Variants in MIPOL1 observed in about 807,000 individuals in gnomAD.
The protein encoded by MIPOL1 is mirror-image polydactyly 1.
MIPOL1 carries 57 observed loss-of-function variants against 60.9 expected under a neutral mutation model. The observed-to-expected ratio is 0.94, with a 90% CI of 0.76 to 1.17. The LOEUF is 1.17. Among genes scored for constraint, MIPOL1 ranks in the 50% most tolerant of loss-of-function variants. The pLI is 0.00. For synonymous variants in MIPOL1, 179 were observed against 168.8 expected (o/e 1.06, Z -0.47); for missense variants, 551 against 511.6 (o/e 1.08, Z -0.74).
intron 9 of MIPOL1, among the ~76,000 whole-genome samples, chr14:37,318,868 A>G (rs2088242305): frequency 6.6e-6 from 1 of 151,962 alleles, no homozygotes; most frequent in African/African-American, 2.4e-5. Flanking sequence ...TCATTCTGTT[A>G]CCCAGGCTGG....
chr14:37,430,715 CTG>C lies in MIPOL1; in HGVS notation c.1031+7769_1031+7770del, dbSNP rs1181319196. ...TGATACATCTGAATGTTTTTGAAAA[CTG>C]TGAAGCACTGTGCAAAGGAGATATA... is the stretch of plus-strand genomic sequence containing the variant. On this transcript the variant is annotated intron_variant, in intron 11 of 12. Coordinates refer to ENST00000684589, the MANE Select transcript of MIPOL1 (RefSeq NM_001388067.1). 3.9e-5 allele frequency among the ~76,000 whole-genome samples: 6 copies of C among 152,164 alleles called. 1 individual carries two copies. The South Asian group carries it at 1.0e-3, about 26-fold the overall frequency.
intron 10 of MIPOL1, among the ~76,000 whole-genome samples, chr14:37,393,848 CT>C (rs1350649444): frequency 6.6e-6 from 1 of 150,570 alleles, no homozygotes; most frequent in Admixed American, 6.7e-5. Flanking sequence ...CCCTTGCCCC[CT>C]CCCACCCCTC....
intron 11 of MIPOL1, among the ~76,000 whole-genome samples, chr14:37,426,570 C>CACATATATATATATATATATAT (rs2093964019): frequency 1.2e-5 from 1 of 85,530 alleles, no homozygotes; most frequent in African/African-American, 4.6e-5. Flanking sequence ...TCAAAATATA[C>CACATATATATATATATATATAT]ATATATATAT....
chr14:37,364,766 A>G (rs140832107), intron 9 of MIPOL1, among the ~76,000 whole-genome samples: 6 of 152,138 alleles, frequency 3.9e-5, no homozygotes, highest in African/African-American at 1.2e-4. Flanking sequence ...GAAGAATGTC[A>G]TTGTTATTTT....
intron 11 of MIPOL1, among the ~76,000 whole-genome samples, chr14:37,454,064 G>A (rs1180794504): frequency 6.6e-6 from 1 of 152,176 alleles, no homozygotes; most frequent in Non-Finnish European, 1.5e-5. Flanking sequence ...ATGAGACTCT[G>A]CAAAGTGGAT....
intron 11 of MIPOL1, among the ~76,000 whole-genome samples, chr14:37,446,851 A>C (rs1253300863): frequency 6.6e-6 from 1 of 151,250 alleles, no homozygotes; most frequent in African/African-American, 2.4e-5. Context: ...GCATGTTCTC[A>C]CTCATAGGTG....
intron 1 of MIPOL1, among the ~76,000 whole-genome samples, chr14:37,219,132 G>A (rs973001745): frequency 3.3e-5 from 5 of 152,076 alleles, no homozygotes; most frequent in African/African-American, 4.8e-5. Flanking sequence ...GTTACTAACA[G>A]GAATCATCAG....
chr14:37,227,498 GTGTA>G, intron 1 of MIPOL1, among the ~76,000 whole-genome samples: 1 of 152,138 alleles, frequency 6.6e-6, no homozygotes, highest in Non-Finnish European at 1.5e-5. Flanking sequence ...GTTTGTGTGT[GTGTA>G]TGTGTGTGTG....
chr14:37,324,705 A>T (rs2088961667), intron 9 of MIPOL1, among the ~76,000 whole-genome samples: 1 of 152,018 alleles, frequency 6.6e-6, no homozygotes, highest in Admixed American at 6.6e-5. Flanking sequence ...TCTGTGATTT[A>T]TTTTGAGTTA....
At chr14:37,510,598 A>G (rs2095320619) in intron 12 of MIPOL1, among the ~76,000 whole-genome samples, 1 of 152,102 alleles carries the variant, frequency 6.6e-6, no homozygotes, top group South Asian at 2.1e-4. Context: ...ATTTCCTAAG[A>G]CATTGACTGT....
At chr14:37,294,719 T>C (rs2085454212) in intron 7 of MIPOL1, among the ~76,000 whole-genome samples, 1 of 151,758 alleles carries the variant, frequency 6.6e-6, no homozygotes, top group African/African-American at 2.4e-5. Context: ...TGATGGAAGA[T>C]GAAATGAGTG....
intron 11 of MIPOL1, among the ~76,000 whole-genome samples, chr14:37,451,653 T>G (rs1021706314): frequency 1.3e-5 from 2 of 152,026 alleles, no homozygotes; most frequent in Admixed American, 6.5e-5. Flanking sequence ...GAAAAAGCAT[T>G]GACATCCAAT....
At chr14:37,396,080 T>G (rs1412960939) in intron 10 of MIPOL1, among the ~76,000 whole-genome samples, 1 of 152,056 alleles carries the variant, frequency 6.6e-6, no homozygotes, top group Non-Finnish European at 1.5e-5. Flanking sequence ...GTTTTTTTTT[T>G]GTTTTTTGTT....
At chr14:37,276,466 T>C (rs1335990540) in intron 6 of MIPOL1, 1 of 151,042 alleles carries the variant, frequency 6.6e-6, no homozygotes, top group East Asian at 1.9e-4. Flanking sequence ...ATAGCAAGTA[T>C]ATCAAGACAC....
intron 3 of MIPOL1, among the ~76,000 whole-genome samples, chr14:37,257,701 A>G (rs1975193484): frequency 6.6e-6 from 1 of 152,164 alleles, no homozygotes; most frequent in Non-Finnish European, 1.5e-5. Context: ...ACACACATGC[A>G]TACTCATTCA....
At chr14:37,518,853 A>G (rs2153629575) in intron 12 of MIPOL1, among the ~76,000 whole-genome samples, 1 of 152,314 alleles carries the variant, frequency 6.6e-6, no homozygotes, top group Middle Eastern at 3.4e-3. Flanking sequence ...GGGGTTATAT[A>G]GAAAGGACAC....
intron 11 of MIPOL1, among the ~76,000 whole-genome samples, chr14:37,450,833 T>A (rs981540413): frequency 6.6e-6 from 1 of 152,128 alleles, no homozygotes; most frequent in African/African-American, 2.4e-5. Flanking sequence ...ATCAATGTAT[T>A]TGAAATATTT....
intron 11 of MIPOL1, among the ~76,000 whole-genome samples, chr14:37,491,319 A>G (rs545354225): frequency 8.3e-4 from 126 of 152,310 alleles, no homozygotes; most frequent in African/African-American, 2.9e-3. Flanking sequence ...ACTTGAGATC[A>G]GGAGATCAAG....
At chr14:37,443,608 C>T (rs2094285711) in intron 11 of MIPOL1, among the ~76,000 whole-genome samples, 1 of 151,158 alleles carries the variant, frequency 6.6e-6, no homozygotes, top group Non-Finnish European at 1.5e-5. Flanking sequence ...ACAGTCTTAA[C>T]ACAAACATTT....
Sources: allele counts gnomAD v4.1 joint callset (sites outside exome capture counted in the v4.1 genomes callset), GRCh38; gene constraint gnomAD v4.1.1; transcripts MANE v1.5; gene names NCBI Gene and HGNC (gene_info 2026-07-23, HGNC 2026-07-21).